The following PDZD2 variants were observed in gnomAD, a reference collection of about 807,000 sequenced individuals.
The protein encoded by PDZD2 is PDZ domain-containing protein 2.
Under a neutral mutation model 220.7 loss-of-function variants are expected in PDZD2, and 90 were observed. The ratio of observed to expected loss-of-function variants is 0.41; its 90% CI spans 0.34 to 0.49. PDZD2 has a LOEUF of 0.49. Among genes scored for constraint, PDZD2 ranks in the 20% least tolerant of loss-of-function variants. PDZD2 has a pLI of 0.28. For synonymous variants in PDZD2, 1,375 were observed against 1,450.5 expected (o/e 0.95, Z 1.18); for missense variants, 3,174 against 3,608.5 (o/e 0.88, Z 3.08).
At chr5:31,659,054 A>G (rs931058241) in intron 1 of PDZD2, among the ~76,000 whole-genome samples, 2 of 152,074 alleles carry the variant, frequency 1.3e-5, no homozygotes, top group Non-Finnish European at 2.9e-5. Context: ...AATCTTTTCC[A>G]TACTGACTTT....
intron 1 of PDZD2, among the ~76,000 whole-genome samples, chr5:31,771,002 GC>G (rs1277641944): frequency 1.3e-5 from 2 of 152,136 alleles, no homozygotes; most frequent in Non-Finnish European, 2.9e-5. Flanking sequence ...CATTAGGGAA[GC>G]TTGCTATTTA....
chr5:31,859,044 C>T (rs1737418936), intron 2 of PDZD2, among the ~76,000 whole-genome samples: 1 of 152,132 alleles, frequency 6.6e-6, no homozygotes, highest in South Asian at 2.1e-4. Flanking sequence ...CAACTAGTGG[C>T]TTCACCTAGA....
chr5:31,711,983 T>A (rs759270583), intron 1 of PDZD2: 13 of 152,596 alleles, frequency 8.5e-5, no homozygotes, highest in Non-Finnish European at 1.8e-4. Flanking sequence ...AAATTGTACA[T>A]GTCAGCTTAA....
At chr5:31,892,284 A>G (rs1394190599) in intron 2 of PDZD2, among the ~76,000 whole-genome samples, 3 of 152,214 alleles carry the variant, frequency 2.0e-5, no homozygotes, top group South Asian at 2.1e-4. Flanking sequence ...TAATGTACCT[A>G]TTGCTCTGCT....
intron 1 of PDZD2, among the ~76,000 whole-genome samples, chr5:31,757,014 C>T (rs1253891785): frequency 1.3e-5 from 2 of 152,166 alleles, no homozygotes; most frequent in Non-Finnish European, 2.9e-5. Flanking sequence ...CTGGGTCGGG[C>T]GGTTCATGCC....
At chr5:31,740,173 C>T (rs746661907) in intron 1 of PDZD2, among the ~76,000 whole-genome samples, 2 of 152,026 alleles carry the variant, frequency 1.3e-5, no homozygotes, top group East Asian at 3.9e-4. Flanking sequence ...TGTTGCGATT[C>T]TTCAAAGAAA....
intron 6 of PDZD2, among the ~76,000 whole-genome samples, chr5:32,033,637 T>G (rs1755293974): frequency 7.2e-6 from 1 of 138,048 alleles, no homozygotes; most frequent in African/African-American, 2.6e-5. Flanking sequence ...TTTTTTTTTT[T>G]GAGACAGAGC....
chr5:32,060,575 G>T lies in PDZD2; in HGVS notation c.2319-427G>T, dbSNP rs79668383. 6.1e-3 allele frequency among the ~76,000 whole-genome samples: 925 copies of T among 152,284 alleles called. 8 individuals are homozygous for T. The highest frequency in any genetic ancestry group is 0.01 in the Non-Finnish European group (697 of 68,034). On this transcript the variant is annotated intron_variant, in intron 13 of 24. Coordinates refer to ENST00000438447, the MANE Select transcript of PDZD2 (RefSeq NM_178140.4). ...TCATGTGATGGTTGACAGTCAGACGGACCCGAGTTAGTTCAACAGTGTGTG... is the reference window on the plus strand; with the variant it reads ...TCATGTGATGGTTGACAGTCAGACGTACCCGAGTTAGTTCAACAGTGTGTG...
intron 1 of PDZD2, among the ~76,000 whole-genome samples, chr5:31,702,205 C>A (rs1382214374): frequency 3.3e-5 from 5 of 152,180 alleles, no homozygotes; most frequent in Non-Finnish European, 4.4e-5. Context: ...ATGTGCCAAG[C>A]CCTTTGTTAG....
chr5:31,841,504 C>A (rs1459442167), intron 2 of PDZD2, among the ~76,000 whole-genome samples: 2 of 152,150 alleles, frequency 1.3e-5, no homozygotes, highest in South Asian at 2.1e-4. Context: ...GAAACCCCGT[C>A]TCAACTGAAA....
At chr5:32,006,137 A>G (rs1430188606) in intron 5 of PDZD2, among the ~76,000 whole-genome samples, 11 of 140,636 alleles carry the variant, frequency 7.8e-5, no homozygotes, top group Non-Finnish European at 9.0e-5. Flanking sequence ...ACAGAGTGAG[A>G]CTCCACTTCA....
At position 32,017,456 on chromosome 5, in the gene PDZD2, T is replaced by A. The variant is rs1362553797; in HGVS notation, c.1407+6974T>A. On this transcript the variant is annotated intron_variant, in intron 6 of 24. Transcript: ENST00000438447. ...CCCTGTCTCAAAAAAAAAAAAAAAA[T>A]TAGAAAAAAATAGTTTAAAATGGCC... Among the ~76,000 whole-genome samples, 41 of 150,918 alleles carry A rather than the reference T, an allele frequency of 2.7e-4. 1 individual carries two copies. The highest frequency in any genetic ancestry group is 2.0e-3 in the East Asian group (10 of 5,124).
chr5:32,019,581 G>A (rs772425925), intron 6 of PDZD2, among the ~76,000 whole-genome samples: 5 of 152,180 alleles, frequency 3.3e-5, no homozygotes, highest in African/African-American at 7.2e-5. Context: ...AGGTCTTACC[G>A]TGTTTTAGAT....
intron 24 of PDZD2, chr5:32,103,985 C>T (rs1744496457): frequency 6.6e-6 from 1 of 152,264 alleles, no homozygotes; most frequent in Non-Finnish European, 1.5e-5. Context: ...AGAAAATTGT[C>T]AGTCCCACAG....
At chr5:31,778,686 C>A (rs537698008) in intron 1 of PDZD2, among the ~76,000 whole-genome samples, 1 of 152,144 alleles carries the variant, frequency 6.6e-6, no homozygotes, top group Non-Finnish European at 1.5e-5. Context: ...TAACACTCAC[C>A]GGGAGGGTCC....
chr5:31,733,378 G>A lies in PDZD2; in HGVS notation c.-360-65511G>A, dbSNP rs948315861. On this transcript the variant is annotated intron_variant, in intron 1 of 24. Transcript: ENST00000438447. Reference sequence around the variant, plus strand: ...GGCTTGTGCTTTGGGGATATCTTTCGTTTCTGTCTTTCTGGCATCTTTCCC... The same window carrying A: ...GGCTTGTGCTTTGGGGATATCTTTCATTTCTGTCTTTCTGGCATCTTTCCC... Among the ~76,000 whole-genome samples the A allele has an allele frequency of 4.3e-4, 66 of 152,292 alleles. 1 individual carries two copies. Among genetic ancestry groups the A allele is most frequent in the Non-Finnish European group, 7.9e-4 (54 of 68,028 alleles).
intron 2 of PDZD2, among the ~76,000 whole-genome samples, chr5:31,830,469 C>A (rs1756512943): frequency 6.6e-6 from 1 of 151,974 alleles, no homozygotes. Context: ...AGCCACTGCA[C>A]CTGGCTCTGA....
chr5:32,028,675 GTTT>G (rs1554028497), intron 6 of PDZD2, among the ~76,000 whole-genome samples: 9 of 46,684 alleles, frequency 1.9e-4, no homozygotes, highest in Non-Finnish European at 3.7e-4. Flanking sequence ...TTTTTTTTTT[GTTT>G]TTTTTGTTTT....
chr5:31,911,477 A>G (rs990815771), intron 2 of PDZD2, among the ~76,000 whole-genome samples: 2 of 152,208 alleles, frequency 1.3e-5, no homozygotes, highest in African/African-American at 4.8e-5. Flanking sequence ...GAAGCCCCTG[A>G]CTTGGAGCAC....
Sources: allele counts gnomAD v4.1 joint callset (sites outside exome capture counted in the v4.1 genomes callset), GRCh38; gene constraint gnomAD v4.1.1; transcripts MANE v1.5; gene names NCBI Gene and HGNC (gene_info 2026-07-23, HGNC 2026-07-21).